The following VTI1A variants were observed in gnomAD, a reference collection of about 807,000 sequenced individuals.
VTI1A encodes the protein vesicle transport through interaction with t-SNAREs 1A, also known as vesicle transport through interaction with t-SNAREs homolog 1A.
VTI1A carries 22 observed loss-of-function variants against 34.9 expected under a neutral mutation model. The ratio of observed to expected loss-of-function variants is 0.63; its 90% CI spans 0.45 to 0.90. The LOEUF is 0.90. Among genes scored for constraint, VTI1A ranks in the 40% least tolerant of loss-of-function variants. The pLI, the probability that VTI1A is intolerant of heterozygous loss-of-function variation, is 0.00. For synonymous variants in VTI1A, 87 were observed against 97.3 expected (o/e 0.89, Z 0.62); for missense variants, 268 against 275.6 (o/e 0.97, Z 0.20).
chr10:112,482,213 TGAA>T (rs1382578917), intron 3 of VTI1A, among the ~76,000 whole-genome samples: 1 of 152,224 alleles, frequency 6.6e-6, no homozygotes, highest in African/African-American at 2.4e-5. Context: ...AATATATTGA[TGAA>T]AGAGTTTTGG....
At chr10:112,505,929 GTT>G (rs1233557982) in intron 3 of VTI1A, among the ~76,000 whole-genome samples, 5 of 151,910 alleles carry the variant, frequency 3.3e-5, no homozygotes, top group Non-Finnish European at 7.4e-5. Context: ...ACTTTCTGTG[GTT>G]TCAGCTATCC....
At chr10:112,842,037 CTTTTTT>C in the VTI1A span, among the ~76,000 whole-genome samples, 6 of 39,904 alleles carry the variant, frequency 1.5e-4, no homozygotes, top group African/African-American at 5.1e-4. Context: ...GAGTTCTTTT[CTTTTTT>C]TTTTTTCCTT....
intron 3 of VTI1A, among the ~76,000 whole-genome samples, chr10:112,465,385 A>G (rs1273038002): frequency 1.3e-5 from 2 of 152,156 alleles, no homozygotes; most frequent in African/African-American, 4.8e-5. Context: ...TTGAAAGCAG[A>G]GTCTCAGAGA....
At chr10:112,834,664 T>C in the VTI1A span, among the ~76,000 whole-genome samples, 1 of 152,214 alleles carries the variant, frequency 6.6e-6, no homozygotes, top group Non-Finnish European at 1.5e-5. Context: ...CAACAAGATA[T>C]GGCTGGCATT....
chr10:112,788,603 A>C (rs1852366934), intron 7 of VTI1A, among the ~76,000 whole-genome samples: 1 of 152,052 alleles, frequency 6.6e-6, no homozygotes, highest in Non-Finnish European at 1.5e-5. Context: ...CTGCTGTTTG[A>C]CTGGAGTGTT....
At chr10:112,839,308 G>C in the VTI1A span, among the ~76,000 whole-genome samples, 574 of 152,320 alleles carry the variant, frequency 3.8e-3, 2 homozygotes, top group African/African-American at 0.013. Context: ...GAAGCACCGT[G>C]ACAGTGATGG....
the VTI1A span, among the ~76,000 whole-genome samples, chr10:112,854,770 C>G: frequency 6.6e-6 from 1 of 152,134 alleles, no homozygotes; most frequent in African/African-American, 2.4e-5. Context: ...GGAGAGCAAT[C>G]GGGAAGCGAT....
chr10:112,503,281 C>T (rs902759985), intron 3 of VTI1A, among the ~76,000 whole-genome samples: 4 of 152,150 alleles, frequency 2.6e-5, no homozygotes, highest in Admixed American at 6.5e-5. Context: ...CATCCTTCTA[C>T]GCCTGTGGTA....
chr10:112,639,149 G>T (rs1048555667), intron 5 of VTI1A, among the ~76,000 whole-genome samples: 37 of 152,092 alleles, frequency 2.4e-4, no homozygotes, highest in Non-Finnish European at 4.7e-4. Context: ...TATGAAAACT[G>T]TGAAAGTCTC....
chr10:112,760,194 A>T (rs535067553), intron 7 of VTI1A, among the ~76,000 whole-genome samples: 1 of 152,330 alleles, frequency 6.6e-6, no homozygotes, highest in African/African-American at 2.4e-5. Flanking sequence ...CCGCCAGTGG[A>T]TGCCTGAAAG....
At chr10:112,492,287 T>TC (rs1200845815) in intron 3 of VTI1A, among the ~76,000 whole-genome samples, 1 of 152,204 alleles carries the variant, frequency 6.6e-6, no homozygotes, top group Non-Finnish European at 1.5e-5. Flanking sequence ...TTGTGGACAC[T>TC]CTGAAGTGTT....
At chr10:112,505,241 G>A (rs1849386084) in intron 3 of VTI1A, among the ~76,000 whole-genome samples, 2 of 152,132 alleles carry the variant, frequency 1.3e-5, no homozygotes, top group South Asian at 4.1e-4. Context: ...AATCCTGTTT[G>A]TCTTGTCTTT....
intron 2 of VTI1A, among the ~76,000 whole-genome samples, chr10:112,463,054 A>T (rs530675108): frequency 6.6e-6 from 1 of 152,214 alleles, no homozygotes; most frequent in South Asian, 2.1e-4. Context: ...CCTCCCGAGT[A>T]GCTGGGACTA....
At chr10:112,841,247 G>A in the VTI1A span, among the ~76,000 whole-genome samples, 1 of 152,154 alleles carries the variant, frequency 6.6e-6, no homozygotes, top group Non-Finnish European at 1.5e-5. Flanking sequence ...TGGAAGCAAA[G>A]GTAGTTTCCC....
intron 5 of VTI1A, among the ~76,000 whole-genome samples, chr10:112,600,775 A>G (rs558426445): frequency 3.3e-5 from 5 of 152,366 alleles, no homozygotes; most frequent in African/African-American, 7.2e-5. Flanking sequence ...AAAATCACGA[A>G]TGAATGAATT....
chr10:112,682,985 T>A (rs1480753877), intron 7 of VTI1A, among the ~76,000 whole-genome samples: 3 of 152,206 alleles, frequency 2.0e-5, no homozygotes, highest in Non-Finnish European at 4.4e-5. Flanking sequence ...TAGAATTAAC[T>A]ACAGCTTTTT....
At chr10:112,822,446 TG>T (rs1853670968), downstream of VTI1A, among the ~76,000 whole-genome samples, 1 of 152,110 alleles carries the variant, frequency 6.6e-6, no homozygotes, top group Non-Finnish European at 1.5e-5. Context: ...CAGCTAACCC[TG>T]GGGGCAGGAA....
In VTI1A at chr10:112,816,639, CCA is replaced by C. The variant is rs1853529695; in HGVS notation, c.*1257_*1258del. 4.4e-6 allele frequency: 1 copy of C among 227,242 alleles called. No individual in the cohort carries two copies. The highest frequency in any genetic ancestry group is 8.8e-6 in the Non-Finnish European group (1 of 114,280). The allele number at this position is 227,242 out of a possible 1,614,324, so 14.1% of individuals were successfully genotyped here. A position where few individuals can be genotyped will look rare whatever the true frequency, so the allele number is the denominator to read the frequency against. On this transcript the variant is annotated 3_prime_UTR_variant, in exon 8 of 8. Coordinates refer to ENST00000393077, the MANE Select transcript of VTI1A (RefSeq NM_145206.4). ...TTGCCCAAGCTGAGGTCGTTTCCCC[CCA>C]GTCACAAAGCAGAATGTTTTTCTCA...
chr10:112,688,435 A>G (rs1361157710), intron 7 of VTI1A, among the ~76,000 whole-genome samples: 1 of 150,168 alleles, frequency 6.7e-6, no homozygotes, highest in Non-Finnish European at 1.5e-5. Flanking sequence ...TTTTCTTCAT[A>G]TGGCTCTAAT....
Sources: gnomAD v4.1 joint callset for allele counts (sites outside exome capture counted in the v4.1 genomes callset) on GRCh38, gnomAD v4.1.1 for gene constraint, MANE v1.5 for transcripts, NCBI Gene and HGNC (gene_info 2026-07-23, HGNC 2026-07-21) for gene names.